Variants in RASA3 observed in about 807,000 individuals in gnomAD.
RASA3 encodes ras GTPase-activating protein 3.
Under a neutral mutation model 110.0 loss-of-function variants are expected in RASA3, and 73 were observed. That is an observed-to-expected ratio of 0.66 (90% confidence interval 0.55 to 0.81). RASA3 has a LOEUF of 0.81. RASA3 is among the 30% of genes least tolerant of loss of function. The pLI, the probability that RASA3 is intolerant of heterozygous loss-of-function variation, is 0.00. For missense variants in RASA3, 976 were observed against 1,113.2 expected, an observed-to-expected ratio of 0.88 and a Z score of 1.75; for synonymous variants, 500 against 451.4, an observed-to-expected ratio of 1.11 and a Z score of -1.37.
chr13:114,017,242 C>A lies in RASA3; in HGVS notation c.1201G>T (p.Glu401Ter). Residue 401 changes from glutamate to a stop codon, truncating the protein, a stop_gained, in exon 12 of 24, where the codon GAG (glutamate) becomes TAG (stop). Coordinates refer to ENST00000334062, the MANE Select transcript of RASA3 (RefSeq NM_007368.4). LOFTEE classifies it high-confidence loss of function. Reference protein sequence around the residue: ...YLHVTLKPAIEEICQSHKPCE... With the variant: ...YLHVTLKPAI The stretch of plus-strand genomic sequence containing the variant: ...ACTCTCGGCCCCGTGCTCACCTCCT[C>A]GATGGCGGGCTTCAGGGTGACATGC... The A allele has an allele frequency of 6.2e-7, 1 of 1,613,262 alleles. No individual in the cohort carries two copies. Among genetic ancestry groups the A allele is most frequent in the East Asian group, 2.2e-5 (1 of 44,876 alleles).
chr13:114,127,249 C>G (rs2080463305), intron 1 of RASA3, among the ~76,000 whole-genome samples: 1 of 152,254 alleles, frequency 6.6e-6, no homozygotes, highest in African/African-American at 2.4e-5. Flanking sequence ...TCCACCAATG[C>G]CAGATTCCCT....
At chr13:114,116,120 C>T (rs921605574) in intron 1 of RASA3, among the ~76,000 whole-genome samples, 1 of 152,224 alleles carries the variant, frequency 6.6e-6, no homozygotes, top group African/African-American at 2.4e-5. Context: ...CCCTCTCGGC[C>T]AGCCTTGCAA....
At chr13:114,016,133 C>A (rs945512710) in intron 13 of RASA3, 64 bp downstream of exon 13, 1 of 1,423,764 alleles carries the variant, frequency 7.0e-7, no homozygotes. Context: ...AGCTTCCAGG[C>A]AGCCATCGGC....
intron 1 of RASA3, among the ~76,000 whole-genome samples, chr13:114,087,636 G>A (rs1251732629): frequency 6.6e-6 from 1 of 152,334 alleles, no homozygotes; most frequent in African/African-American, 2.4e-5. Context: ...CTGCCTCAGA[G>A]CCCCAAGTCT....
chr13:114,013,759 CATCTCTCTGTCTCTCT>C (rs2053708776), intron 14 of RASA3, among the ~76,000 whole-genome samples: 2 of 92,474 alleles, frequency 2.2e-5, no homozygotes, highest in South Asian at 3.8e-4. Context: ...TCTCTCTCTC[CATCTCTCTGTCTCTCT>C]CCCTCTCTGT....
chr13:114,060,647 G>A (rs534784484), intron 2 of RASA3, among the ~76,000 whole-genome samples: 4 of 152,368 alleles, frequency 2.6e-5, no homozygotes, highest in Non-Finnish European at 4.4e-5. Flanking sequence ...GCCCCGTTCC[G>A]CTCTGCTTCC....
intron 3 of RASA3, among the ~76,000 whole-genome samples, chr13:114,047,199 G>C (rs1041294588): frequency 1.3e-5 from 2 of 152,162 alleles, no homozygotes; most frequent in Admixed American, 1.3e-4. Flanking sequence ...AATATACAGG[G>C]AACTTTAAAA....
At chr13:114,060,706 A>G (rs2079324419) in intron 2 of RASA3, among the ~76,000 whole-genome samples, 1 of 152,172 alleles carries the variant, frequency 6.6e-6, no homozygotes, top group Non-Finnish European at 1.5e-5. Flanking sequence ...GCACGCCCGG[A>G]GCTCAGGCCA....
rs2080261111 is a variant in RASA3 at position 114,115,175 on chromosome 13, G to C, written c.55+17260C>G. Among the ~76,000 whole-genome samples, 1 of 152,238 alleles carries C rather than the reference G, an allele frequency of 6.6e-6. No individual in the cohort carries two copies. The highest frequency in any genetic ancestry group is 2.1e-4 in the South Asian group (1 of 4,832). Reference sequence around the variant, plus strand: ...TGTAAAAATACTTGGAACCCATGGGGGGCTTTGTGTGTGGTGTCATCGGCA... The same window carrying C: ...TGTAAAAATACTTGGAACCCATGGGCGGCTTTGTGTGTGGTGTCATCGGCA... On this transcript the variant is annotated intron_variant, in intron 1 of 23. Coordinates refer to ENST00000334062, the MANE Select transcript of RASA3 (RefSeq NM_007368.4). This position sits in a 1 kb window ranked among gnomAD's most constrained non-coding sequence, Gnocchi z 5.0.
intron 1 of RASA3, among the ~76,000 whole-genome samples, chr13:114,079,099 G>A (rs1012351608): frequency 6.6e-6 from 1 of 152,242 alleles, no homozygotes; most frequent in African/African-American, 2.4e-5. Flanking sequence ...AAGGAATGAA[G>A]GCAGCCACGG....
At position 114,102,741 on chromosome 13, in the gene RASA3, C is replaced by A. The variant is rs571000522; in HGVS notation, c.56-28904G>T. On this transcript the variant is annotated intron_variant, in intron 1 of 23. Coordinates refer to ENST00000334062, the MANE Select transcript of RASA3 (RefSeq NM_007368.4). ...TGCCTCACCTACCCCCAGGGCGACG[C>A]TCCCGACTAAACCACCTCTGTCCTA... Among the ~76,000 whole-genome samples the A allele has an allele frequency of 9.2e-5, 14 of 152,328 alleles. No individual in the cohort carries two copies. The South Asian group carries it at 2.9e-3, about 32-fold the overall frequency.
intron 1 of RASA3, among the ~76,000 whole-genome samples, chr13:114,117,492 G>A (rs1032284130): frequency 7.2e-5 from 10 of 138,036 alleles, no homozygotes; most frequent in Non-Finnish European, 1.4e-4. Flanking sequence ...GAGCACGTGC[G>A]TGAGGGGTGC....
At chr13:114,107,587 G>C (rs939562801) in intron 1 of RASA3, 1 of 152,498 alleles carries the variant, frequency 6.6e-6, no homozygotes, top group East Asian at 1.9e-4. Context: ...GCTGCTGCGG[G>C]TGTCTGCTCT....
At position 114,014,712 on chromosome 13, in the gene RASA3, G is replaced by A. The variant is rs1027920187; in HGVS notation, c.1405+497C>T. Among the ~76,000 whole-genome samples, 5 of 152,120 alleles carry A rather than the reference G, an allele frequency of 3.3e-5. No individual in the cohort carries two copies. Among genetic ancestry groups the A allele is most frequent in the Non-Finnish European group, 5.9e-5 (4 of 67,986 alleles). On this transcript the variant is annotated intron_variant, in intron 14 of 23. Coordinates refer to ENST00000334062, the MANE Select transcript of RASA3 (RefSeq NM_007368.4). The surrounding 1 kb of genome is among the most constrained non-coding windows in gnomAD (Gnocchi z 4.5). ...TCTCCGGCTTGGGGGTTTGAAGAAA[G>A]GGCAGCTCCCCCAGGGGTCCTGTCT...
chr13:114,051,146 G>A lies in RASA3; in HGVS notation c.277+906C>T, dbSNP rs567512411. Among the ~76,000 whole-genome samples the A allele has an allele frequency of 2.6e-5, 4 of 152,304 alleles. No individual in the cohort carries two copies. In the East Asian group the frequency reaches 7.7e-4, roughly 29 times the overall value. On this transcript the variant is annotated intron_variant, in intron 3 of 23. Transcript: ENST00000334062. Reference sequence around the variant, plus strand: ...CCCTCAGGCTGCCTGGGGCCAAGCTGGGGGTCCCCCTGGGGGACTCCTCCT... The same window carrying A: ...CCCTCAGGCTGCCTGGGGCCAAGCTAGGGGTCCCCCTGGGGGACTCCTCCT...
chr13:113,994,269 T>C (rs28640270), intron 21 of RASA3, among the ~76,000 whole-genome samples: 50 of 152,304 alleles, frequency 3.3e-4, no homozygotes, highest in African/African-American at 1.1e-3. Flanking sequence ...AGCTCAGTAT[T>C]TGGATACTTG....
intron 7 of RASA3, among the ~76,000 whole-genome samples, chr13:114,025,785 C>T (rs545542237): frequency 2.6e-5 from 4 of 152,326 alleles, no homozygotes; most frequent in East Asian, 1.9e-4. Context: ...CCCATAGAAA[C>T]GGAACATCTG....
At chr13:114,004,851 A>G (rs984509649) in intron 18 of RASA3, among the ~76,000 whole-genome samples, 1 of 152,346 alleles carries the variant, frequency 6.6e-6, no homozygotes, top group South Asian at 2.1e-4. Context: ...CACTCACAAC[A>G]GCAAAGACAC....
chr13:114,103,425 G>A (rs946025445), intron 1 of RASA3, among the ~76,000 whole-genome samples: 4 of 152,086 alleles, frequency 2.6e-5, no homozygotes, highest in Non-Finnish European at 5.9e-5. Flanking sequence ...AAGGTCGGGC[G>A]GCTCCCAGAC....
Sources: gnomAD v4.1 joint callset for allele counts (sites outside exome capture counted in the v4.1 genomes callset) on GRCh38, gnomAD v4.1.1 for gene constraint, Gnocchi (gnomAD v3.1) non-coding constraint, MANE v1.5 for transcripts, NCBI Gene and HGNC (gene_info 2026-07-23, HGNC 2026-07-21) for gene names.